RADIL: variants seen among roughly 807,000 people sequenced by gnomAD.
The protein encoded by RADIL is Rap associating with DIL domain, also known as ras-associating and dilute domain-containing protein.
In RADIL, 99 loss-of-function variants were observed where a neutral mutation model predicts 97.6. The ratio of observed to expected loss-of-function variants is 1.01; its 90% CI spans 0.86 to 1.20. The LOEUF is 1.20. Ranked by LOEUF, RADIL falls within the 50% of genes most tolerant of loss-of-function variation. The pLI, the probability that RADIL is intolerant of heterozygous loss-of-function variation, is 0.00. For missense variants in RADIL, 1,765 were observed against 1,498.9 expected (o/e 1.18, Z -2.93); for synonymous variants, 803 against 691.8 (o/e 1.16, Z -2.52).
Position 4,867,869 on chromosome 7 carries a change from A to G in RADIL, c.535+9736T>C, listed in dbSNP as rs1408656759. On this transcript the variant is annotated intron_variant, in intron 2 of 14. Coordinates refer to ENST00000399583, the MANE Select transcript of RADIL (RefSeq NM_018059.5). The surrounding 1 kb of genome is among the most constrained non-coding windows in gnomAD (Gnocchi z 4.1). Reference sequence around the variant, plus strand: ...AATGATCCTATCCATCCACCAGAGCATCTGCCAACAGATTGGAAACCCATG... The same window carrying G: ...AATGATCCTATCCATCCACCAGAGCGTCTGCCAACAGATTGGAAACCCATG... 6.6e-6 allele frequency among the ~76,000 whole-genome samples: 1 copy of G among 152,220 alleles called. No homozygotes were observed. The highest frequency in any genetic ancestry group is 1.5e-5 in the Non-Finnish European group (1 of 68,040).
chr7:4,853,800 T>C (rs1337597529), intron 2 of RADIL, among the ~76,000 whole-genome samples: 1 of 152,014 alleles, frequency 6.6e-6, no homozygotes, highest in African/African-American at 2.4e-5. Flanking sequence ...GGAAGTGATT[T>C]TGAACTTCTA....
chr7:4,879,306 C>G lies in RADIL; in HGVS notation c.-64-1103G>C, dbSNP rs1784437303. ...CAGGGCCAGGAGTTCCAGATGGTTT[C>G]TCAGTCTCCCTCCAGAACCTCTGTG... On this transcript the variant is annotated intron_variant, in intron 1 of 14. Coordinates refer to ENST00000399583, the MANE Select transcript of RADIL (RefSeq NM_018059.5). The surrounding 1 kb of genome is among the most constrained non-coding windows in gnomAD (Gnocchi z 4.1). Among the ~76,000 whole-genome samples, 3 of 152,232 alleles carry G rather than the reference C, an allele frequency of 2.0e-5. No individual in the cohort carries two copies.
chr7:4,854,006 G>A lies in RADIL; in HGVS notation c.536-17401C>T, dbSNP rs555198695. 1.3e-5 allele frequency among the ~76,000 whole-genome samples: 2 copies of A among 152,254 alleles called. No homozygotes were observed. The highest frequency in any genetic ancestry group is 6.5e-5 in the Admixed American group (1 of 15,296). On this transcript the variant is annotated intron_variant, in intron 2 of 14. Coordinates refer to ENST00000399583, the MANE Select transcript of RADIL (RefSeq NM_018059.5). This position sits in a 1 kb window ranked among gnomAD's most constrained non-coding sequence, Gnocchi z 5.1. ...AGTCAGTGAAAGATGAGGGGATGCC[G>A]CTGTTGGGACTTCTCCGAAAGCTCC...
chr7:4,822,964 G>A lies in RADIL; in HGVS notation c.1455-410C>T, dbSNP rs1400113772. 6.6e-6 allele frequency among the ~76,000 whole-genome samples: 1 copy of A among 152,162 alleles called. No individual in the cohort carries two copies. The highest frequency in any genetic ancestry group is 1.5e-5 in the Non-Finnish European group (1 of 68,034). On this transcript the variant is annotated intron_variant, in intron 5 of 14. Transcript: ENST00000399583. The surrounding 1 kb of genome is among the most constrained non-coding windows in gnomAD (Gnocchi z 5.3). ...ATGGTTTTCAGAACAAGAAATGTCA[G>A]TTCCATTATATTATTTAAGTTAACA...
At chr7:4,870,739 C>A (rs141195330) in intron 2 of RADIL, among the ~76,000 whole-genome samples, 1 of 152,126 alleles carries the variant, frequency 6.6e-6, no homozygotes, top group Non-Finnish European at 1.5e-5. Flanking sequence ...CCACCGTGCC[C>A]GACTATTTTA....
At chr7:4,805,379 C>G (rs1782269334) in intron 10 of RADIL, 187 bp downstream of exon 10, 7 of 636,404 alleles carry the variant, frequency 1.1e-5, no homozygotes, top group Non-Finnish European at 1.7e-5. Flanking sequence ...GAGGAGGTCC[C>G]CGGATCCCCA....
chr7:4,800,363 G>C, intron 12 of RADIL, 53 bp from the exon 13 acceptor site: 1 of 1,406,236 alleles, frequency 7.1e-7, no homozygotes, highest in Non-Finnish European at 9.3e-7. Flanking sequence ...GAATCACGAC[G>C]AGGAATGGGA....
In RADIL at chr7:4,807,048, C is replaced by T. The variant is rs368232036; in HGVS notation, c.2140-1332G>A. Among the ~76,000 whole-genome samples the T allele has an allele frequency of 2.1e-3, 317 of 152,286 alleles. 2 individuals are homozygous for T. The highest frequency in any genetic ancestry group is 4.7e-3 in the African/African-American group (194 of 41,560). ...TCTGGAGACTGCCTGCACCTGCCTTCCCCGCGCCCTCCACCCCTCTGCTGG... is the reference window on the plus strand; with the variant it reads ...TCTGGAGACTGCCTGCACCTGCCTTTCCCGCGCCCTCCACCCCTCTGCTGG... On this transcript the variant is annotated intron_variant, in intron 9 of 14. Coordinates refer to ENST00000399583, the MANE Select transcript of RADIL (RefSeq NM_018059.5).
At chr7:4,830,862 A>G (rs1355480748) in intron 5 of RADIL, among the ~76,000 whole-genome samples, 1 of 152,078 alleles carries the variant, frequency 6.6e-6, no homozygotes, top group Non-Finnish European at 1.5e-5. Context: ...AAAATACAAA[A>G]AAACAAAAAT....
rs114894254 is a variant in RADIL at position 4,820,602 on chromosome 7, C to A, written c.1615+1792G>T. 5.8e-3 allele frequency among the ~76,000 whole-genome samples: 886 copies of A among 152,294 alleles called. 7 individuals carry two copies. The highest frequency in any genetic ancestry group is 0.02 in the African/African-American group (834 of 41,572). On this transcript the variant is annotated intron_variant, in intron 6 of 14. Coordinates refer to ENST00000399583, the MANE Select transcript of RADIL (RefSeq NM_018059.5). ...GGAGACCCTGGCAGATCCCCACATC[C>A]CCTTCCCTGTGAAGGAGGGGAGAAG...
At chr7:4,861,819 G>A (rs1380120241) in intron 2 of RADIL, 9 of 1,308,382 alleles carry the variant, frequency 6.9e-6, no homozygotes, top group Non-Finnish European at 8.7e-6. Flanking sequence ...ATCTTTCAGC[G>A]CCCGCCCCGC....
At position 4,818,740 on chromosome 7, in the gene RADIL, C is replaced by T. The variant is rs1254236317; in HGVS notation, c.1616-1389G>A. Among the ~76,000 whole-genome samples, 1 of 152,158 alleles carries T rather than the reference C, an allele frequency of 6.6e-6. No homozygotes were observed. The highest frequency in any genetic ancestry group is 1.9e-4 in the East Asian group (1 of 5,182). Reference sequence around the variant, plus strand: ...GTCCTGGTGCCCTGACCCTGGCTGCCTCAGGCTGCCAGGTCTGAGAACCCA... The same window carrying T: ...GTCCTGGTGCCCTGACCCTGGCTGCTTCAGGCTGCCAGGTCTGAGAACCCA... On this transcript the variant is annotated intron_variant, in intron 6 of 14. Transcript: ENST00000399583. The surrounding 1 kb of genome is among the most constrained non-coding windows in gnomAD (Gnocchi z 7.1).
chr7:4,817,490 C>T lies in RADIL; in HGVS notation c.1616-139G>A, dbSNP rs1436318771. The stretch of plus-strand genomic sequence containing the variant: ...TGGGGTCCAGATGCGATAAACTGGC[C>T]GAGGGACTCTGGGCCCTGGCTGGGA... On this transcript the variant is annotated intron_variant, in intron 6 of 14. Coordinates refer to ENST00000399583, the MANE Select transcript of RADIL (RefSeq NM_018059.5). The surrounding 1 kb of genome is among the most constrained non-coding windows in gnomAD (Gnocchi z 8.3). 8.9e-6 allele frequency: 6 copies of T among 675,262 alleles called. No homozygotes were observed. The highest frequency in any genetic ancestry group is 3.6e-5 in the African/African-American group (2 of 55,060). 41.8% of individuals were successfully genotyped at this position (675,262 alleles called of 1,614,324 possible).
chr7:4,802,397 C>T (rs574749226), intron 11 of RADIL, among the ~76,000 whole-genome samples: 58 of 109,234 alleles, frequency 5.3e-4, no homozygotes, highest in African/African-American at 2.0e-3. Flanking sequence ...CCTCGGGGCA[C>T]GCTGGCTGGG....
chr7:4,805,859 G>A, intron 9 of RADIL, 143 bp from the exon 10 acceptor site: 1 of 1,393,788 alleles, frequency 7.2e-7, no homozygotes, highest in African/African-American at 1.4e-5. Context: ...ATCTGTGAGG[G>A]GGACGGTGTC....
At chr7:4,800,040 G>T in intron 13 of RADIL, 131 bp downstream of exon 13, 1 of 1,358,258 alleles carries the variant, frequency 7.4e-7, no homozygotes, top group Non-Finnish European at 9.7e-7. Flanking sequence ...CAGCTGCAGA[G>T]GCCAACCCCA....
chr7:4,810,244 A>G (rs570246), intron 9 of RADIL, among the ~76,000 whole-genome samples: 150,912 of 152,344 alleles, frequency 0.99, 74,759 homozygotes, highest in East Asian at 1. Context: ...GCTCACTGCA[A>G]ACCCCCTGTG....
Position 4,815,231 on chromosome 7 carries a change from T to C in RADIL, c.2139+47A>G. 6.8e-6 allele frequency: 10 copies of C among 1,467,570 alleles called. No individual in the cohort carries two copies. The highest frequency in any genetic ancestry group is 2.6e-5 in the East Asian group (1 of 38,676). The allele number at this position is 1,467,570 out of a possible 1,614,324, so 90.9% of individuals were successfully genotyped here. The stretch of plus-strand genomic sequence containing the variant: ...TTGTGAGCCAGGGACCCACAGCATG[T>C]GGCCCCGCCCCTCCCCACACTCGCC... On this transcript the variant is annotated intron_variant, in intron 9 of 14. Coordinates refer to ENST00000399583, the MANE Select transcript of RADIL (RefSeq NM_018059.5). This position sits in a 1 kb window ranked among gnomAD's most constrained non-coding sequence, Gnocchi z 8.0.
intron 2 of RADIL, among the ~76,000 whole-genome samples, chr7:4,846,668 C>T (rs1396452423): frequency 6.6e-6 from 1 of 151,798 alleles, no homozygotes; most frequent in Admixed American, 6.6e-5. Context: ...GCCTCAGCCT[C>T]CCAAGTAGCT....
Sources: gnomAD v4.1 joint callset for allele counts (sites outside exome capture counted in the v4.1 genomes callset) on GRCh38, gnomAD v4.1.1 for gene constraint, Gnocchi (gnomAD v3.1) non-coding constraint, MANE v1.5 for transcripts, NCBI Gene and HGNC (gene_info 2026-07-23, HGNC 2026-07-21) for gene names.